FSD1: variants seen among roughly 807,000 people sequenced by gnomAD.
FSD1 encodes fibronectin type III and SPRY domain-containing protein 1.
Under a neutral mutation model 58.2 loss-of-function variants are expected in FSD1, and 23 were observed. That is an observed-to-expected ratio of 0.40 (90% confidence interval 0.28 to 0.56). The LOEUF is 0.56. Ranked by LOEUF, FSD1 falls within the 20% of genes least tolerant of loss-of-function variation. The probability of loss-of-function intolerance (pLI) is 0.54; values close to 1 mark genes in which losing one functional copy is unlikely to be tolerated. For missense variants in FSD1, 563 were observed against 670.8 expected, an observed-to-expected ratio of 0.84 and a Z score of 1.78; for synonymous variants, 265 against 263.4, an observed-to-expected ratio of 1.01 and a Z score of -0.06.
rs1475967545 is a variant in FSD1, at chr19:4,323,107, G to C, written c.1161G>C (p.Thr387=). ...SLGRFEQLGK[T]AASWCLHVNN... Reference sequence around the variant, plus strand: ...GCCGCTTCGAGCAACTGGGCAAGACGGCCGCCTCCTGGTGCCTGCACGTCA... The same window carrying C: ...GCCGCTTCGAGCAACTGGGCAAGACCGCCGCCTCCTGGTGCCTGCACGTCA... The change falls in exon 11 of 13, where the codon ACG becomes ACC. Residue 387 remains threonine, a synonymous_variant. Transcript: ENST00000221856. The surrounding 1 kb of genome is among the most constrained non-coding windows in gnomAD (Gnocchi z 7.7). 6 of 1,608,360 alleles carry C rather than the reference G, an allele frequency of 3.7e-6. No individual in the cohort carries two copies. In the Admixed American group the frequency reaches 8.3e-5, roughly 22 times the overall value.
chr19:4,305,751 G>T (rs1229451533), intron 1 of FSD1, among the ~76,000 whole-genome samples, 195 bp from the exon 2 acceptor site: 2 of 152,218 alleles, frequency 1.3e-5, no homozygotes, highest in Admixed American at 6.5e-5. Context: ...GGGTCAGGGA[G>T]CCTGGCCAGG....
intron 7 of FSD1, among the ~76,000 whole-genome samples, chr19:4,315,540 C>T (rs186048885): frequency 1.8e-3 from 278 of 150,964 alleles, no homozygotes; most frequent in Non-Finnish European, 3.2e-3. Flanking sequence ...GATCTCCTGA[C>T]CTTGTGATCC....
chr19:4,309,554 A>G (rs1971664512), intron 4 of FSD1, among the ~76,000 whole-genome samples: 1 of 152,192 alleles, frequency 6.6e-6, no homozygotes, highest in Non-Finnish European at 1.5e-5. Context: ...ACACTTTGGC[A>G]AATACCTTCC....
At chr19:4,320,647 A>C (rs1409595141) in intron 10 of FSD1, among the ~76,000 whole-genome samples, 1 of 152,098 alleles carries the variant, frequency 6.6e-6, no homozygotes, top group East Asian at 1.9e-4. Flanking sequence ...TCTGGGGGGA[A>C]TACCCGGGAA....
Position 4,323,188 on chromosome 19 carries a change from G to A in FSD1, c.1242G>A (p.Leu414=), listed in dbSNP as rs751672012. 21 of 1,604,788 alleles carry A rather than the reference G, an allele frequency of 1.3e-5. No individual in the cohort carries two copies. In the South Asian group the frequency reaches 2.1e-4, roughly 16 times the overall value. Residue 414 remains leucine (L), a synonymous_variant, in exon 11 of 13, where the codon CTG becomes CTA. Coordinates refer to ENST00000221856, the MANE Select transcript of FSD1 (RefSeq NM_024333.3). The surrounding 1 kb of genome is among the most constrained non-coding windows in gnomAD (Gnocchi z 7.7). ...TAKHANKVKV[L]DAPVPDCLGV... ...AGCACGCCAACAAGGTCAAGGTGCTGGACGCCCCCGTGCCCGACTGCCTGG... is the reference window on the plus strand; with the variant it reads ...AGCACGCCAACAAGGTCAAGGTGCTAGACGCCCCCGTGCCCGACTGCCTGG...
Position 4,323,167 on chromosome 19 carries a change from C to G in FSD1, c.1221C>G (p.His407Gln). Residue 407 changes from histidine to glutamine, a missense_variant, in exon 11 of 13, where the codon CAC becomes CAG. Coordinates refer to ENST00000221856, the MANE Select transcript of FSD1 (RefSeq NM_024333.3). This position sits in a 1 kb window ranked among gnomAD's most constrained non-coding sequence, Gnocchi z 7.7. ...TGCAGGTCAGCTTCACGGCCAAGCA[C>G]GCCAACAAGGTCAAGGTGCTGGACG... The part of the protein sequence containing the change: ...NWLQVSFTAK[H>Q]ANKVKVLDAP... The G allele has an allele frequency of 6.2e-7, 1 of 1,604,880 alleles. No homozygotes were observed. Among genetic ancestry groups the G allele is most frequent in the Non-Finnish European group, 8.5e-7 (1 of 1,179,798 alleles).
chr19:4,316,484 G>A (rs1026890630), intron 7 of FSD1, among the ~76,000 whole-genome samples: 1 of 151,448 alleles, frequency 6.6e-6, no homozygotes, highest in Non-Finnish European at 1.5e-5. Context: ...GCCTCCCAAA[G>A]TGCTGACATT....
intron 10 of FSD1, among the ~76,000 whole-genome samples, chr19:4,319,639 G>A (rs556572051): frequency 6.6e-6 from 1 of 152,108 alleles, no homozygotes; most frequent in Non-Finnish European, 1.5e-5. Context: ...TGGTTCTATG[G>A]GGATCTAAAT....
At chr19:4,306,170 T>C in intron 2 of FSD1, 28 bp from the exon 3 acceptor site, 1 of 1,613,836 alleles carries the variant, frequency 6.2e-7, no homozygotes. Context: ...AACACGGGCT[T>C]TGGCCGATTC....
At chr19:4,308,814 C>T (rs769559443) in intron 4 of FSD1, among the ~76,000 whole-genome samples, 5 of 150,806 alleles carry the variant, frequency 3.3e-5, no homozygotes, top group South Asian at 2.1e-4. Flanking sequence ...GCCAAGATCG[C>T]GCCACCGCAC....
At chr19:4,322,946 A>T (rs764552245) in intron 10 of FSD1, 40 bp from the exon 11 acceptor site, 1 of 1,582,690 alleles carries the variant, frequency 6.3e-7, no homozygotes, top group Non-Finnish European at 8.6e-7. Context: ...GCCCAGTTCT[A>T]TCCAGTTCCC....
intron 4 of FSD1, among the ~76,000 whole-genome samples, chr19:4,309,894 G>A (rs1407909442): frequency 7.0e-6 from 1 of 143,862 alleles, no homozygotes; most frequent in Non-Finnish European, 1.5e-5. Flanking sequence ...GAACGACAGA[G>A]CAAGACTCCA....
At chr19:4,319,592 G>C (rs986951384) in intron 10 of FSD1, among the ~76,000 whole-genome samples, 1 of 152,144 alleles carries the variant, frequency 6.6e-6, no homozygotes, top group Non-Finnish European at 1.5e-5. Flanking sequence ...GGAGTAGCTG[G>C]GGTCATGAGG....
chr19:4,312,108 C>G (rs1349322528), intron 7 of FSD1, 57 bp downstream of exon 7: 52 of 1,417,468 alleles, frequency 3.7e-5, no homozygotes, highest in Non-Finnish European at 5.0e-5. Flanking sequence ...CTTCCAGCCT[C>G]CCGTCTCGCC....
intron 1 of FSD1, 35 bp from the exon 2 acceptor site, chr19:4,305,911 T>TGC (rs779359782): frequency 4.8e-6 from 7 of 1,462,640 alleles, no homozygotes; most frequent in Non-Finnish European, 5.8e-6. Flanking sequence ...CATGTGTGTG[T>TGC]GCACCTGTGT....
intron 6 of FSD1, chr19:4,311,278 G>A (rs188373032): frequency 4.6e-4 from 73 of 158,372 alleles, no homozygotes; most frequent in Non-Finnish European, 9.2e-4. Flanking sequence ...CTATGATGCA[G>A]CCCCAAAGAA....
In FSD1 at chr19:4,304,771, G is replaced by A; in HGVS notation, c.15+10G>A. 1 of 1,044,886 alleles carries A rather than the reference G, an allele frequency of 9.6e-7. No individual in the cohort carries two copies. The highest frequency in any genetic ancestry group is 1.2e-6 in the Non-Finnish European group (1 of 817,420). The allele number at this position is 1,044,886 out of a possible 1,614,324, so 64.7% of individuals were successfully genotyped here. A position where few individuals can be genotyped will look rare whatever the true frequency, so the allele number is the denominator to read the frequency against. The stretch of plus-strand genomic sequence containing the variant: ...CATGGAAGAACAGAGGGTAGGACGG[G>A]GTGGGGCAGGGCGGGCCCGCAGGGG... On this transcript the variant is annotated intron_variant, in intron 1 of 12. Coordinates refer to ENST00000221856, the MANE Select transcript of FSD1 (RefSeq NM_024333.3).
intron 7 of FSD1, among the ~76,000 whole-genome samples, chr19:4,315,233 C>G (rs1971740332): frequency 6.6e-6 from 1 of 151,590 alleles, no homozygotes; most frequent in African/African-American, 2.4e-5. Context: ...TCAAGCGATT[C>G]TCCTGCCTCA....
rs35224881 is a variant in FSD1, at chr19:4,307,992, C to G, written c.345+9C>G. On this transcript the variant is annotated intron_variant, in intron 4 of 12. Transcript: ENST00000221856. ...GCGAGGACTTTCCTCAGGTGGGTGC[C>G]TCTGATGCTGCCAGGTAAAGAACAG... is the stretch of plus-strand genomic sequence containing the variant. 0.015 allele frequency: 23,974 copies of G among 1,600,620 alleles called. 216 individuals carry two copies. Among genetic ancestry groups the G allele is most frequent in the Non-Finnish European group, 0.019 (21,758 of 1,169,060 alleles).
Sources: gnomAD v4.1 joint callset for allele counts (sites outside exome capture counted in the v4.1 genomes callset) on GRCh38, gnomAD v4.1.1 for gene constraint, Gnocchi (gnomAD v3.1) non-coding constraint, MANE v1.5 for transcripts, NCBI Gene and HGNC (gene_info 2026-07-23, HGNC 2026-07-21) for gene names.